The following HS3ST3A1 variants were observed in gnomAD, a reference collection of about 807,000 sequenced individuals.
The protein encoded by HS3ST3A1 is heparan sulfate glucosamine 3-O-sulfotransferase 3A1.
In HS3ST3A1, 19 loss-of-function variants were observed where a neutral mutation model predicts 25.7. The observed-to-expected ratio is 0.74, with a 90% CI of 0.52 to 1.08. The LOEUF (loss-of-function observed/expected upper bound fraction) is 1.08. Ranked by LOEUF, HS3ST3A1 falls within the 50% of genes least tolerant of loss-of-function variation. The pLI, the probability that HS3ST3A1 is intolerant of heterozygous loss-of-function variation, is 0.00. For missense variants in HS3ST3A1, 459 were observed against 594.3 expected (o/e 0.77, Z 2.37); for synonymous variants, 226 against 278.6 (o/e 0.81, Z 1.88).
Position 13,600,677 on chromosome 17 carries a change from C to G in HS3ST3A1, c.453G>C (p.Gln151His). Reference protein sequence around the residue: ...LALLLDEGSKQLPQAIIIGVK... With the variant: ...LALLLDEGSKHLPQAIIIGVK... ...CTCCGATGATGATGGCCTGCGGCAG[C>G]TGCTTGCTGCCTTCGTCCAGGAGCA... The change falls in exon 1 of 2, where the codon CAG (glutamine) becomes CAC (histidine). Residue 151 changes from glutamine (Q) to histidine (H), a missense_variant. Around this residue, in one of 3 missense-constraint regions of HS3ST3A1, gnomAD observed 346 missense variants for 303.9 expected, o/e 1.14. Transcript: ENST00000284110. 6.3e-7 allele frequency: 1 copy of G among 1,585,334 alleles called. No homozygotes were observed. Among genetic ancestry groups the G allele is most frequent in the South Asian group, 1.1e-5 (1 of 88,640 alleles).
At chr17:13,596,478 C>T (rs1377375772) in intron 1 of HS3ST3A1, among the ~76,000 whole-genome samples, 1 of 151,406 alleles carries the variant, frequency 6.6e-6, no homozygotes, top group African/African-American at 2.4e-5. Flanking sequence ...ACTTGCACTT[C>T]TGGTTGTCTA....
chr17:13,520,013 T>C (rs765149341), intron 1 of HS3ST3A1, among the ~76,000 whole-genome samples: 2 of 152,220 alleles, frequency 1.3e-5, no homozygotes, highest in Non-Finnish European at 2.9e-5. Flanking sequence ...CATCTCCTAA[T>C]AACTATCTGA....
intron 1 of HS3ST3A1, among the ~76,000 whole-genome samples, chr17:13,544,604 G>A (rs942787244): frequency 6.6e-6 from 1 of 152,150 alleles, no homozygotes; most frequent in Non-Finnish European, 1.5e-5. Context: ...GTGATGTCAG[G>A]AGGCTCTGAC....
chr17:13,517,428 T>A (rs1906092016), intron 1 of HS3ST3A1, among the ~76,000 whole-genome samples: 2 of 152,134 alleles, frequency 1.3e-5, no homozygotes, highest in South Asian at 4.1e-4. Context: ...AAAATTACTA[T>A]AAGGGAATGT....
At chr17:13,580,815 C>T (rs1007175190) in intron 1 of HS3ST3A1, among the ~76,000 whole-genome samples, 1 of 152,088 alleles carries the variant, frequency 6.6e-6, no homozygotes, top group African/African-American at 2.4e-5. Flanking sequence ...CGCTTGAACC[C>T]AGGAGGCGGA....
chr17:13,503,953 T>G (rs1292517669), intron 1 of HS3ST3A1, among the ~76,000 whole-genome samples: 1 of 152,162 alleles, frequency 6.6e-6, no homozygotes, highest in Non-Finnish European at 1.5e-5. Context: ...TCTCCAAATG[T>G]CCACCCAAAA....
At chr17:13,505,640 C>T (rs1263951868) in intron 1 of HS3ST3A1, among the ~76,000 whole-genome samples, 1 of 150,442 alleles carries the variant, frequency 6.6e-6, no homozygotes, top group Non-Finnish European at 1.5e-5. Context: ...ACAATGTAGA[C>T]ATCTTCAAAA....
At chr17:13,598,570 ACT>A (rs1908641334) in intron 1 of HS3ST3A1, among the ~76,000 whole-genome samples, 1 of 151,916 alleles carries the variant, frequency 6.6e-6, no homozygotes, top group Admixed American at 6.6e-5. Flanking sequence ...GCTTTACAAA[ACT>A]CTTCTGCTGC....
intron 1 of HS3ST3A1, among the ~76,000 whole-genome samples, chr17:13,510,637 G>A (rs1440365749): frequency 6.6e-6 from 1 of 152,118 alleles, no homozygotes; most frequent in Non-Finnish European, 1.5e-5. Flanking sequence ...GGAGTCTGGG[G>A]TCTTGAACTG....
At chr17:13,547,970 G>T (rs1489069669) in intron 1 of HS3ST3A1, among the ~76,000 whole-genome samples, 1 of 148,736 alleles carries the variant, frequency 6.7e-6, no homozygotes, top group East Asian at 2.0e-4. Flanking sequence ...AAAACCACAC[G>T]TTTGGCGTCA....
At chr17:13,585,381 G>A (rs2142386639) in intron 1 of HS3ST3A1, among the ~76,000 whole-genome samples, 1 of 151,370 alleles carries the variant, frequency 6.6e-6, no homozygotes, top group African/African-American at 2.4e-5. Flanking sequence ...TGTATTTTTA[G>A]TGGAGACGGG....
At chr17:13,497,016 C>T (rs1280521443) in intron 1 of HS3ST3A1, among the ~76,000 whole-genome samples, 198 bp from the exon 2 acceptor site, 1 of 152,080 alleles carries the variant, frequency 6.6e-6, no homozygotes, top group Non-Finnish European at 1.5e-5. Flanking sequence ...ATAATATTAC[C>T]CATTGCATAC....
In HS3ST3A1 at chr17:13,576,192, A is replaced by G. The variant is rs142500768; in HGVS notation, c.599+24339T>C. Among the ~76,000 whole-genome samples, 467 of 152,322 alleles carry G rather than the reference A, an allele frequency of 3.1e-3. 2 individuals are homozygous for G. Among genetic ancestry groups the G allele is most frequent in the African/African-American group, 0.011 (446 of 41,578 alleles). On this transcript the variant is annotated intron_variant, in intron 1 of 1. Coordinates refer to ENST00000284110, the MANE Select transcript of HS3ST3A1 (RefSeq NM_006042.3). ...TAATAGCTTAAAATAACAAACATTGATTATCTCACACAGTTGCCCAGAGTC... is the reference window on the plus strand; with the variant it reads ...TAATAGCTTAAAATAACAAACATTGGTTATCTCACACAGTTGCCCAGAGTC...
At chr17:13,563,241 T>A (rs1182300116) in intron 1 of HS3ST3A1, among the ~76,000 whole-genome samples, 1 of 151,804 alleles carries the variant, frequency 6.6e-6, no homozygotes, top group Non-Finnish European at 1.5e-5. Context: ...AACCACATCA[T>A]CAATTTAGGT....
chr17:13,551,952 C>G (rs1016505042), intron 1 of HS3ST3A1, among the ~76,000 whole-genome samples: 1 of 152,214 alleles, frequency 6.6e-6, no homozygotes, highest in Admixed American at 6.5e-5. Flanking sequence ...AAAATAGGAA[C>G]CCTGTCTGAA....
intron 1 of HS3ST3A1, among the ~76,000 whole-genome samples, chr17:13,507,942 C>T (rs1429850313): frequency 6.6e-6 from 1 of 152,190 alleles, no homozygotes. Context: ...TATTTCTTTT[C>T]CTGCTGTTGT....
intron 1 of HS3ST3A1, among the ~76,000 whole-genome samples, chr17:13,564,339 C>T (rs1329507407): frequency 1.3e-5 from 2 of 152,080 alleles, no homozygotes. Flanking sequence ...TCTGAGACTC[C>T]TTTAGTATTT....
chr17:13,589,160 G>A (rs1313918656), intron 1 of HS3ST3A1, among the ~76,000 whole-genome samples: 1 of 152,070 alleles, frequency 6.6e-6, no homozygotes, highest in Non-Finnish European at 1.5e-5. Flanking sequence ...TGTGGGTTTT[G>A]GTTTTTAATA....
chr17:13,520,627 TTTG>T lies in HS3ST3A1; in HGVS notation c.600-23812_600-23810del, dbSNP rs1362517043. Reference sequence around the variant, plus strand: ...ATTTCTTTCTTTCTTTCTTTTTTTTTTTGGGGAAATAGAGTCTTGCTCTGTCAC... The same window carrying T: ...ATTTCTTTCTTTCTTTCTTTTTTTTTGGGAAATAGAGTCTTGCTCTGTCAC... On this transcript the variant is annotated intron_variant, in intron 1 of 1. Transcript: ENST00000284110. Among the ~76,000 whole-genome samples, 68 of 150,386 alleles carry T rather than the reference TTTG, an allele frequency of 4.5e-4. 1 individual carries two copies. The highest frequency in any genetic ancestry group is 1.9e-3 in the South Asian group (9 of 4,820).
Sources: allele counts gnomAD v4.1 joint callset (sites outside exome capture counted in the v4.1 genomes callset), GRCh38; gene constraint gnomAD v4.1.1; regional missense constraint gnomAD v4.1.1; transcripts MANE v1.5; gene names NCBI Gene and HGNC (gene_info 2026-07-23, HGNC 2026-07-21).